Variants in DTNA observed in about 807,000 individuals in gnomAD.
DTNA encodes the protein dystrophin-related protein 3.
In DTNA, 43 loss-of-function variants were observed where a neutral mutation model predicts 100.7. The observed-to-expected ratio is 0.43, with a 90% confidence interval of 0.33 to 0.55. The LOEUF (loss-of-function observed/expected upper bound fraction) is 0.55. DTNA is among the 20% of genes least tolerant of loss of function. The pLI, the probability that DTNA is intolerant of heterozygous loss-of-function variation, is 0.04. For missense variants in DTNA, 798 were observed against 953.9 expected, an observed-to-expected ratio of 0.84 and a Z score of 2.15; for synonymous variants, 349 against 347.9, an observed-to-expected ratio of 1.00 and a Z score of -0.04.
chr18:34,775,146 A>T (rs2093978597), intron 3 of DTNA, among the ~76,000 whole-genome samples: 1 of 152,194 alleles, frequency 6.6e-6, no homozygotes, highest in Non-Finnish European at 1.5e-5. Context: ...ACCTTAAAAT[A>T]GGGGAATCAC....
At chr18:34,646,144 A>T (rs1407185969) in intron 1 of DTNA, among the ~76,000 whole-genome samples, 1 of 152,212 alleles carries the variant, frequency 6.6e-6, no homozygotes, top group Non-Finnish European at 1.5e-5. Flanking sequence ...TTAAAAGGTC[A>T]TCTTGACAGT....
At chr18:34,821,493 G>C (rs953772375) in intron 9 of DTNA, 1 of 456,350 alleles carries the variant, frequency 2.2e-6, no homozygotes, top group African/African-American at 2.0e-5. Flanking sequence ...TTTCGTGGCA[G>C]AAGGTGTTGG....
In DTNA at chr18:34,890,647, G is replaced by A; in HGVS notation, c.*2913G>A. ...GGAGGAAGGTGAAATCTACTGCATG[G>A]GATTCAGGAAACAGTTGTGGTTGGT... is the stretch of plus-strand genomic sequence containing the variant. On this transcript the variant is annotated 3_prime_UTR_variant, in exon 23 of 23. Coordinates refer to ENST00000444659, the MANE Select transcript of DTNA (RefSeq NM_001386795.1). The A allele has an allele frequency of 1.2e-6, 1 of 815,278 alleles. No individual in the cohort carries two copies. Among genetic ancestry groups the A allele is most frequent in the Non-Finnish European group, 1.8e-6 (1 of 542,792 alleles). The allele number at this position is 815,278 out of a possible 1,614,324, so 50.5% of individuals were successfully genotyped here. A position where few individuals can be genotyped will look rare whatever the true frequency, so the allele number is the denominator to read the frequency against.
chr18:34,551,922 A>G (rs2045468015), intron 1 of DTNA, among the ~76,000 whole-genome samples: 1 of 152,042 alleles, frequency 6.6e-6, no homozygotes, highest in Admixed American at 6.6e-5. Flanking sequence ...CTCTCATTCT[A>G]TTCAACTGGC....
chr18:34,719,174 A>T (rs187626858), intron 1 of DTNA, among the ~76,000 whole-genome samples: 1 of 152,064 alleles, frequency 6.6e-6, no homozygotes, highest in Admixed American at 6.5e-5. Flanking sequence ...TACTAAAAAT[A>T]CAAAAACAAA....
At chr18:34,828,969 A>G in intron 10 of DTNA, 1 of 1,541,568 alleles carries the variant, frequency 6.5e-7, no homozygotes, top group Non-Finnish European at 9.0e-7. Context: ...TTTATTAGGA[A>G]GCTCTGCATT....
chr18:34,887,641 ATGTGTGTG>A (rs139309148), intron 22 of DTNA, 117 bp from the exon 23 acceptor site: 4 of 560,514 alleles, frequency 7.1e-6, no homozygotes, highest in Non-Finnish European at 9.0e-6. Context: ...GTGTGTGTGC[ATGTGTGTG>A]TGTGTGTGCG....
intron 1 of DTNA, among the ~76,000 whole-genome samples, chr18:34,543,250 A>G (rs2044428042): frequency 6.6e-6 from 1 of 151,862 alleles, no homozygotes; most frequent in Non-Finnish European, 1.5e-5. Context: ...AAATATATAA[A>G]ATAATGAAAT....
intron 1 of DTNA, among the ~76,000 whole-genome samples, chr18:34,508,301 A>G (rs1050831912): frequency 3.9e-5 from 6 of 152,166 alleles, no homozygotes; most frequent in Non-Finnish European, 8.8e-5. Context: ...ATCTTGTCAC[A>G]TAGTATTGTT....
chr18:34,804,724 A>G (rs563847062), intron 4 of DTNA, among the ~76,000 whole-genome samples: 4 of 152,314 alleles, frequency 2.6e-5, no homozygotes, highest in Admixed American at 2.0e-4. Flanking sequence ...TCTTTTGAAC[A>G]TACTTAGTTT....
chr18:34,582,044 A>G (rs1243101352), intron 1 of DTNA, among the ~76,000 whole-genome samples: 1 of 152,140 alleles, frequency 6.6e-6, no homozygotes. Flanking sequence ...ATGTTTTCCT[A>G]CCTTAATATG....
chr18:34,617,668 C>G lies in DTNA; in HGVS notation c.-2+124154C>G, dbSNP rs111643855. On this transcript the variant is annotated intron_variant, in intron 1 of 19. Transcript: ENST00000283365. ...GAATTAGGGAAGAGTTCCCCCTCCT[C>G]AATGTTCTGGAATAGTTTCAGTAAT... 1.4e-4 allele frequency among the ~76,000 whole-genome samples: 22 copies of G among 152,274 alleles called. 1 individual carries two copies. The highest frequency in any genetic ancestry group is 5.3e-4 in the African/African-American group (22 of 41,564).
At chr18:34,510,588 C>T (rs1330928386) in intron 1 of DTNA, among the ~76,000 whole-genome samples, 1 of 151,078 alleles carries the variant, frequency 6.6e-6, no homozygotes, top group East Asian at 1.9e-4. Flanking sequence ...TTTATGAGCC[C>T]CTGTGGCTCA....
At chr18:34,798,262 A>T (rs976145797) in intron 4 of DTNA, among the ~76,000 whole-genome samples, 4 of 152,168 alleles carry the variant, frequency 2.6e-5, no homozygotes, top group African/African-American at 9.7e-5. Flanking sequence ...AGCCTCTCAA[A>T]GTACTGGGAT....
chr18:34,833,925 T>G (rs981652655), intron 11 of DTNA, among the ~76,000 whole-genome samples: 1 of 152,140 alleles, frequency 6.6e-6, no homozygotes, highest in African/African-American at 2.4e-5. Flanking sequence ...TGAAAGCCAT[T>G]GTCACATTCT....
intron 17 of DTNA, among the ~76,000 whole-genome samples, chr18:34,865,188 C>T (rs1023325365): frequency 3.1e-4 from 47 of 152,188 alleles, no homozygotes; most frequent in Admixed American, 1.8e-3. Flanking sequence ...ACTTTCAGTC[C>T]GTGGATGTCC....
Position 34,875,241 on chromosome 18 carries a change from T to G in DTNA, c.1746T>G (p.Thr582=), listed in dbSNP as rs923338592. Residue 582 remains threonine, a splice_region_variant and synonymous_variant, in exon 18 of 23, where the codon ACT becomes ACG. Transcript: ENST00000444659. ...AATGACCTGCATTGTCTCTCCAGAC[T>G]CAGGGGGCAGGCTCTCCCCGCTCCT... ...QLEGLMKLLK[T]QGAGSPRSSP... is the part of the protein sequence containing the mutation. 1 of 1,613,790 alleles carries G rather than the reference T, an allele frequency of 6.2e-7. No homozygotes were observed. Among genetic ancestry groups the G allele is most frequent in the Non-Finnish European group, 8.5e-7 (1 of 1,179,872 alleles).
chr18:34,758,194 CT>C (rs10709130), intron 2 of DTNA, among the ~76,000 whole-genome samples: 2,182 of 152,284 alleles, frequency 0.014, 53 homozygotes, highest in African/African-American at 0.05. Flanking sequence ...TCAGAGAAGA[CT>C]GACATCAAGA....
intron 3 of DTNA, among the ~76,000 whole-genome samples, chr18:34,775,481 C>CA (rs1258770172): frequency 3.4e-5 from 5 of 148,102 alleles, no homozygotes; most frequent in South Asian, 4.3e-4. Flanking sequence ...GACTCCATCT[C>CA]AAAAAAAAAT....
Sources: gnomAD v4.1 joint callset for allele counts (sites outside exome capture counted in the v4.1 genomes callset) on GRCh38, gnomAD v4.1.1 for gene constraint, MANE v1.5 for transcripts, NCBI Gene and HGNC (gene_info 2026-07-23, HGNC 2026-07-21) for gene names.